RIN2: variants seen among roughly 807,000 people sequenced by gnomAD.
The protein encoded by RIN2 is Ras and Rab interactor 2.
RIN2 carries 36 observed loss-of-function variants against 78.0 expected under a neutral mutation model. That is an observed-to-expected ratio of 0.46 (90% CI 0.35 to 0.61). RIN2 has a LOEUF of 0.61. Among genes scored for constraint, RIN2 ranks in the 20% least tolerant of loss-of-function variants. RIN2 has a pLI of 0.00. For missense variants in RIN2, 1,087 were observed against 1,159.7 expected, an observed-to-expected ratio of 0.94 and a Z score of 0.91; for synonymous variants, 466 against 466.8, an observed-to-expected ratio of 1.00 and a Z score of 0.02.
chr20:19,902,815 C>T (rs1397269604), intron 3 of RIN2, among the ~76,000 whole-genome samples: 3 of 152,106 alleles, frequency 2.0e-5, no homozygotes, highest in Admixed American at 6.5e-5. Context: ...TAAATTTGGC[C>T]GGGCACGGTG....
Position 19,764,918 on chromosome 20 carries a change from G to GTTTTT in RIN2, c.-163+6612_-163+6616dup, listed in dbSNP as rs10605325. 1.1e-3 allele frequency among the ~76,000 whole-genome samples: 57 copies of GTTTTT among 50,388 alleles called. 7 individuals are homozygous for GTTTTT. Among genetic ancestry groups the GTTTTT allele is most frequent in the East Asian group, 8.7e-3 (10 of 1,146 alleles). The allele number at this position is 50,388 out of a possible 152,430, so 33.1% of individuals were successfully genotyped here. A position where few individuals can be genotyped will look rare whatever the true frequency, so the allele number is the denominator to read the frequency against. ...GGGCAAGTCCCACTTCACTTTCTGCGTTTTTTTTTTTTTTTTTTTTTTTTT... is the reference window on the plus strand; with the variant it reads ...GGGCAAGTCCCACTTCACTTTCTGCGTTTTTTTTTTTTTTTTTTTTTTTTTTTTTT... On this transcript the variant is annotated intron_variant, in intron 1 of 12. Transcript: ENST00000255006.
intron 3 of RIN2, among the ~76,000 whole-genome samples, chr20:19,913,829 C>A (rs2039573213): frequency 6.6e-6 from 1 of 152,194 alleles, no homozygotes. Context: ...ATTCATTCAT[C>A]CATCAGCGGA....
intron 3 of RIN2, among the ~76,000 whole-genome samples, chr20:19,911,331 G>C (rs1220722117): frequency 6.6e-6 from 1 of 152,158 alleles, no homozygotes; most frequent in Non-Finnish European, 1.5e-5. Context: ...GGGATTACAG[G>C]CGTTGAGCCA....
intron 1 of RIN2, among the ~76,000 whole-genome samples, chr20:19,785,606 C>A (rs1470371826): frequency 6.6e-6 from 1 of 152,118 alleles, no homozygotes; most frequent in East Asian, 1.9e-4. Context: ...CATTTCTTAT[C>A]CATAAGCGTA....
At chr20:19,813,182 C>T (rs1346113136) in intron 2 of RIN2, among the ~76,000 whole-genome samples, 2 of 152,218 alleles carry the variant, frequency 1.3e-5, no homozygotes. Flanking sequence ...CAGATCACTA[C>T]TTCTCTCTAG....
chr20:19,760,222 C>A (rs1040945375), intron 1 of RIN2, among the ~76,000 whole-genome samples: 2 of 152,130 alleles, frequency 1.3e-5, no homozygotes, highest in African/African-American at 2.4e-5. Flanking sequence ...AGTGAAGGGC[C>A]CTTGCTTTTG....
intron 3 of RIN2, among the ~76,000 whole-genome samples, chr20:19,923,309 G>C (rs1384020384): frequency 6.6e-6 from 1 of 151,760 alleles, no homozygotes; most frequent in Non-Finnish European, 1.5e-5. Context: ...TCAGCTACTT[G>C]GGAGACTGAG....
chr20:19,797,961 C>T (rs895424306), intron 1 of RIN2, among the ~76,000 whole-genome samples: 2 of 150,682 alleles, frequency 1.3e-5, no homozygotes, highest in Non-Finnish European at 2.9e-5. Flanking sequence ...ACACCATTCT[C>T]CTGCCTCAGC....
chr20:19,787,655 G>A (rs886802206), intron 1 of RIN2, among the ~76,000 whole-genome samples: 1 of 152,090 alleles, frequency 6.6e-6, no homozygotes, highest in African/African-American at 2.4e-5. Context: ...GGCAAGGATT[G>A]GATGAAATAA....
chr20:19,985,397 C>T (rs2042590719), intron 9 of RIN2, among the ~76,000 whole-genome samples: 1 of 152,216 alleles, frequency 6.6e-6, no homozygotes, highest in Admixed American at 6.5e-5. Flanking sequence ...CCAGCAATTG[C>T]TATGGCCTCT....
At chr20:19,861,749 T>C (rs1372333931) in intron 2 of RIN2, among the ~76,000 whole-genome samples, 1 of 151,640 alleles carries the variant, frequency 6.6e-6, no homozygotes, top group African/African-American at 2.4e-5. Context: ...CCATATCCGA[T>C]GATCACCCTC....
chr20:20,000,621 C>T lies in RIN2; in HGVS notation c.2373C>T (p.Leu791=). ...IPSVDDFQNY[L]RVAFQEVNSG... Reference sequence around the variant, plus strand: ...TCCTCTTCCACCTGCAGAATTACCTCCGAGTTGCATTTCAGGAGGTCAACA... The same window carrying T: ...TCCTCTTCCACCTGCAGAATTACCTTCGAGTTGCATTTCAGGAGGTCAACA... Residue 791 remains leucine, a synonymous_variant, in exon 13 of 13, where the codon CTC becomes CTT. Transcript: ENST00000255006. 6.3e-7 allele frequency: 1 copy of T among 1,595,000 alleles called. No homozygotes were observed. The highest frequency in any genetic ancestry group is 8.6e-7 in the Non-Finnish European group (1 of 1,166,198).
rs543862700 is a variant in RIN2 at position 19,829,193 on chromosome 20, A to T, written c.-37+29446A>T. On this transcript the variant is annotated intron_variant, in intron 2 of 12. Transcript: ENST00000255006. ...GATTGATTGGGTTCTTGAAGAGTAC[A>T]TGAGCATTTTCCTGGCAGATCTACT... Among the ~76,000 whole-genome samples the T allele has an allele frequency of 4.6e-5, 7 of 152,064 alleles. No homozygotes were observed. In the South Asian group the frequency reaches 1.5e-3, roughly 32 times the overall value.
intron 7 of RIN2, among the ~76,000 whole-genome samples, chr20:19,969,982 G>A (rs1188703285): frequency 6.6e-6 from 1 of 152,238 alleles, no homozygotes; most frequent in Admixed American, 6.5e-5. Context: ...AAGAAAGCAA[G>A]TCATGGCCCA....
chr20:19,897,716 C>CTT (rs954169682), intron 3 of RIN2, among the ~76,000 whole-genome samples: 2 of 144,070 alleles, frequency 1.4e-5, no homozygotes, highest in Non-Finnish European at 1.5e-5. Context: ...CTGTTGGCTT[C>CTT]TTTTTTTTTT....
intron 2 of RIN2, among the ~76,000 whole-genome samples, chr20:19,883,745 G>A (rs558118789): frequency 6.6e-6 from 1 of 152,078 alleles, no homozygotes; most frequent in Non-Finnish European, 1.5e-5. Flanking sequence ...CTGTGGTGTG[G>A]ACAAGGTGAG....
At chr20:19,976,300 G>A (rs2042276856) in intron 9 of RIN2, among the ~76,000 whole-genome samples, 1 of 152,144 alleles carries the variant, frequency 6.6e-6, no homozygotes, top group South Asian at 2.1e-4. Context: ...CCAACCCCTG[G>A]ATAAGCAGAA....
chr20:19,768,493 G>A (rs1446034056), intron 1 of RIN2, among the ~76,000 whole-genome samples: 5 of 152,216 alleles, frequency 3.3e-5, no homozygotes, highest in East Asian at 1.9e-4. Flanking sequence ...GTCCCATAGA[G>A]AGCATCCTCT....
rs540522079 is a variant in RIN2, at chr20:19,997,753, A to G, written c.2364+911A>G. Among the ~76,000 whole-genome samples, 8 of 152,138 alleles carry G rather than the reference A, an allele frequency of 5.3e-5. No homozygotes were observed. The South Asian group carries it at 1.7e-3, about 32-fold the overall frequency. On this transcript the variant is annotated intron_variant, in intron 12 of 12. Transcript: ENST00000255006. The stretch of plus-strand genomic sequence containing the variant: ...CAGCCTGGACAACAGAGTGAGACTT[A>G]GTCTCAAAAAAGAAACAAAGAAATC...
Sources: gnomAD v4.1 joint callset for allele counts (sites outside exome capture counted in the v4.1 genomes callset) on GRCh38, gnomAD v4.1.1 for gene constraint, MANE v1.5 for transcripts, NCBI Gene and HGNC (gene_info 2026-07-23, HGNC 2026-07-21) for gene names.